SEMA3E: variants seen among roughly 807,000 people sequenced by gnomAD.
SEMA3E encodes the protein semaphorin-3E.
Under a neutral mutation model 93.6 loss-of-function variants are expected in SEMA3E, and 49 were observed. That is an observed-to-expected ratio of 0.52 (90% CI 0.42 to 0.66). The LOEUF is 0.66. Ranked by LOEUF, SEMA3E falls within the 30% of genes least tolerant of loss-of-function variation. The pLI, the probability that SEMA3E is intolerant of heterozygous loss-of-function variation, is 0.00. For missense variants in SEMA3E, 906 were observed against 964.8 expected (o/e 0.94, Z 0.81); for synonymous variants, 363 against 330.7 (o/e 1.10, Z -1.06).
chr7:83,559,032 C>A (rs754698133), intron 1 of SEMA3E, among the ~76,000 whole-genome samples: 1 of 151,918 alleles, frequency 6.6e-6, no homozygotes, highest in Non-Finnish European at 1.5e-5. Flanking sequence ...GATTAAAAAC[C>A]ATTTTGGTGT....
At chr7:83,384,947 T>A (rs1787849382) in intron 16 of SEMA3E, among the ~76,000 whole-genome samples, 1 of 151,950 alleles carries the variant, frequency 6.6e-6, no homozygotes, top group African/African-American at 2.4e-5. Context: ...CAACACTGCC[T>A]TGGGAGTCAT....
At chr7:83,418,596 G>C (rs1788606494) in intron 4 of SEMA3E, 113 bp from the exon 5 acceptor site, 3 of 775,722 alleles carry the variant, frequency 3.9e-6, no homozygotes, top group Non-Finnish European at 6.7e-6. Flanking sequence ...ATTCTAAATA[G>C]AGCACCAGTA....
rs1258301282 is a variant in SEMA3E, at chr7:83,466,455, T to A, written c.456+27A>T. The stretch of plus-strand genomic sequence containing the variant: ...AAGGTTGTTTTAAGCATTGTTTTTA[T>A]TGACAGCAATGAATGAAACATCTTA... On this transcript the variant is annotated intron_variant, in intron 4 of 16. Coordinates refer to ENST00000643230, the MANE Select transcript of SEMA3E (RefSeq NM_012431.3). 4 of 1,613,008 alleles carry A rather than the reference T, an allele frequency of 2.5e-6. No individual in the cohort carries two copies. In the South Asian group the frequency reaches 4.4e-5, roughly 18 times the overall value.
At chr7:83,474,961 G>A (rs113129211) in intron 2 of SEMA3E, among the ~76,000 whole-genome samples, 4,204 of 151,258 alleles carry the variant, frequency 0.028, 209 homozygotes, top group African/African-American at 0.097. Flanking sequence ...GCATGTGCAT[G>A]TATATATAGA....
At chr7:83,455,985 G>T (rs1213237814) in intron 4 of SEMA3E, among the ~76,000 whole-genome samples, 3 of 152,210 alleles carry the variant, frequency 2.0e-5, no homozygotes, top group African/African-American at 7.2e-5. Context: ...ACTAAACAGT[G>T]CCTGGACTCT....
intron 1 of SEMA3E, among the ~76,000 whole-genome samples, chr7:83,630,850 T>G (rs994199526): frequency 3.9e-5 from 6 of 152,188 alleles, no homozygotes; most frequent in African/African-American, 1.4e-4. Context: ...GGCAAAAATA[T>G]AGGGTTATTT....
At chr7:83,606,363 A>G (rs1793117933) in intron 1 of SEMA3E, among the ~76,000 whole-genome samples, 1 of 152,104 alleles carries the variant, frequency 6.6e-6, no homozygotes, top group South Asian at 2.1e-4. Flanking sequence ...GAACCAACCC[A>G]AATGTCCAAC....
intron 4 of SEMA3E, among the ~76,000 whole-genome samples, chr7:83,434,226 TCTTA>T (rs1000191866): frequency 2.0e-5 from 3 of 152,066 alleles, no homozygotes; most frequent in African/African-American, 4.8e-5. Flanking sequence ...CATATATTGC[TCTTA>T]CTTAATAAAA....
chr7:83,363,857 TTC>T lies in SEMA3E; in HGVS notation c.*3727_*3728del. On this transcript the variant is annotated 3_prime_UTR_variant, in exon 17 of 17. Coordinates refer to ENST00000643230, the MANE Select transcript of SEMA3E (RefSeq NM_012431.3). ...TTAGGCTACAGGTGTCACAGGTCAA[TTC>T]ATTTTTTTTTTTTTTTTTTTTTTTT... 8.3e-6 allele frequency: 1 copy of T among 120,892 alleles called. No homozygotes were observed. The highest frequency in any genetic ancestry group is 3.6e-5 in the African/African-American group (1 of 27,514). The allele number at this position is 120,892 out of a possible 1,614,324, so 7.5% of individuals were successfully genotyped here.
chr7:83,517,772 T>C (rs1790962251), intron 1 of SEMA3E, among the ~76,000 whole-genome samples: 2 of 152,174 alleles, frequency 1.3e-5, no homozygotes, highest in Admixed American at 1.3e-4. Flanking sequence ...GCATTAATCA[T>C]AACAAGTACC....
intron 4 of SEMA3E, among the ~76,000 whole-genome samples, chr7:83,449,284 G>A: frequency 6.6e-6 from 1 of 151,900 alleles, no homozygotes; most frequent in Non-Finnish European, 1.5e-5. Context: ...ATTTTTGGTA[G>A]AGACAGGGTT....
At chr7:83,474,080 A>C (rs1789958584) in intron 2 of SEMA3E, among the ~76,000 whole-genome samples, 1 of 142,570 alleles carries the variant, frequency 7.0e-6, no homozygotes, top group Non-Finnish European at 1.5e-5. Context: ...CAACAGAGTG[A>C]GACTCTATCT....
At chr7:83,559,221 TAGA>T (rs1212204332) in intron 1 of SEMA3E, among the ~76,000 whole-genome samples, 1 of 151,970 alleles carries the variant, frequency 6.6e-6, no homozygotes, top group Admixed American at 6.6e-5. Flanking sequence ...TCTTCTCCCA[TAGA>T]AGGATAGCTT....
At chr7:83,505,143 T>C (rs11982066) in intron 1 of SEMA3E, among the ~76,000 whole-genome samples, 57,996 of 152,004 alleles carry the variant, frequency 0.38, 11,736 homozygotes, top group East Asian at 0.43. Context: ...AATATTTACT[T>C]TTAATAAAAG....
chr7:83,603,034 G>A (rs917451655), intron 1 of SEMA3E, among the ~76,000 whole-genome samples: 1 of 152,120 alleles, frequency 6.6e-6, no homozygotes, highest in Admixed American at 6.6e-5. Flanking sequence ...TATCAGAAAT[G>A]TGTAATTTTT....
chr7:83,537,077 C>G (rs1218084568), intron 1 of SEMA3E, among the ~76,000 whole-genome samples: 1 of 151,870 alleles, frequency 6.6e-6, no homozygotes, highest in Non-Finnish European at 1.5e-5. Flanking sequence ...TCTTCTCTTC[C>G]CCTCTCTCTT....
intron 1 of SEMA3E, among the ~76,000 whole-genome samples, chr7:83,587,140 T>C (rs1343954451): frequency 1.3e-5 from 2 of 152,138 alleles, no homozygotes; most frequent in Non-Finnish European, 2.9e-5. Context: ...AAAGCAAATG[T>C]CAACCGTACA....
chr7:83,388,019 T>C (rs1584210281), intron 14 of SEMA3E, among the ~76,000 whole-genome samples: 1 of 147,698 alleles, frequency 6.8e-6, no homozygotes, highest in East Asian at 2.0e-4. Context: ...TGAATATATA[T>C]AAAAACATTA....
intron 2 of SEMA3E, among the ~76,000 whole-genome samples, chr7:83,482,438 T>C (rs960221905): frequency 4.0e-5 from 6 of 151,242 alleles, no homozygotes; most frequent in Non-Finnish European, 5.9e-5. Context: ...TGGTGGCGGG[T>C]GCCTGTAGTC....
Sources: gnomAD v4.1 joint callset for allele counts (sites outside exome capture counted in the v4.1 genomes callset) on GRCh38, gnomAD v4.1.1 for gene constraint, MANE v1.5 for transcripts, NCBI Gene and HGNC (gene_info 2026-07-23, HGNC 2026-07-21) for gene names.